Variants in FBXO24 observed in about 807,000 individuals in gnomAD.
The protein encoded by FBXO24 is F-box only protein 24.
Under a neutral mutation model 63.5 loss-of-function variants are expected in FBXO24, and 30 were observed. That is an observed-to-expected ratio of 0.47 (90% confidence interval 0.35 to 0.64). FBXO24 has a LOEUF of 0.64. Ranked by LOEUF, FBXO24 falls within the 30% of genes least tolerant of loss-of-function variation. The probability of loss-of-function intolerance (pLI) is 0.00; values close to 1 mark genes in which losing one functional copy is unlikely to be tolerated. For synonymous variants in FBXO24, 300 were observed against 305.0 expected (o/e 0.98, Z 0.17); for missense variants, 624 against 763.4 (o/e 0.82, Z 2.15).
In FBXO24 at chr7:100,586,478, C is replaced by T; in HGVS notation, c.-148C>T. 1.2e-6 allele frequency: 1 copy of T among 818,416 alleles called. No homozygotes were observed. Among genetic ancestry groups the T allele is most frequent in the East Asian group, 2.7e-5 (1 of 37,682 alleles). The allele number at this position is 818,416 out of a possible 1,614,324, so 50.7% of individuals were successfully genotyped here. Reference sequence around the variant, plus strand: ...ACTAGCAGGAAAACGGGCCGAGGGACCGCAAGCAGGGGGTGCCTAGTCCTC... The same window carrying T: ...ACTAGCAGGAAAACGGGCCGAGGGATCGCAAGCAGGGGGTGCCTAGTCCTC... On this transcript the variant is annotated 5_prime_UTR_variant, in exon 1 of 10. Coordinates refer to ENST00000241071, the MANE Select transcript of FBXO24 (RefSeq NM_033506.3).
Position 100,589,673 on chromosome 7 carries a change from C to G in FBXO24, c.40-304C>G, listed in dbSNP as rs528772672. 1.6e-5 allele frequency: 25 copies of G among 1,517,004 alleles called. No individual in the cohort carries two copies. In the African/African-American group the frequency reaches 2.1e-4, roughly 13 times the overall value. The allele number at this position is 1,517,004 out of a possible 1,614,324, so 94.0% of individuals were successfully genotyped here. A position where few individuals can be genotyped will look rare whatever the true frequency, so the allele number is the denominator to read the frequency against. ...GGGAAAGCCAGCAGGAACGGGGGGG[C>G]CAAGGGCCTAGGAGACAGGAGGGCA... On this transcript the variant is annotated intron_variant, in intron 1 of 9. Coordinates refer to ENST00000241071, the MANE Select transcript of FBXO24 (RefSeq NM_033506.3).
Position 100,600,349 on chromosome 7 carries a change from CGCTCTCT to C in FBXO24, c.1377+152_1377+158del. On this transcript the variant is annotated intron_variant, in intron 9 of 9. Transcript: ENST00000241071. This position sits in a 1 kb window ranked among gnomAD's most constrained non-coding sequence, Gnocchi z 6.3. Reference sequence around the variant, plus strand: ...CACCTCCCTCCTCTGCCGCACACCACGCTCTCTGCTTTCTCCCTTAGCAGACTGTGCT... The same window carrying C: ...CACCTCCCTCCTCTGCCGCACACCACGCTTTCTCCCTTAGCAGACTGTGCT... 1.5e-6 allele frequency: 2 copies of C among 1,368,400 alleles called. No individual in the cohort carries two copies. The highest frequency in any genetic ancestry group is 2.0e-6 in the Non-Finnish European group (2 of 1,019,480). 84.8% of individuals were successfully genotyped at this position (1,368,400 alleles called of 1,614,324 possible). A position where few individuals can be genotyped will look rare whatever the true frequency, so the allele number is the denominator to read the frequency against.
At chr7:100,591,031 ATTTTTTTTT>A (rs930978218) in intron 3 of FBXO24, among the ~76,000 whole-genome samples, 2 of 86,672 alleles carry the variant, frequency 2.3e-5, no homozygotes, top group African/African-American at 4.7e-5. Flanking sequence ...TTTTTCTTTG[ATTTTTTTTT>A]TTTTTTTTTT....
chr7:100,598,687 G>C (rs1303621293), intron 8 of FBXO24, among the ~76,000 whole-genome samples: 2 of 152,162 alleles, frequency 1.3e-5, no homozygotes, highest in African/African-American at 4.8e-5. Flanking sequence ...AGTTGAAAAT[G>C]CTAGGCTAAG....
At chr7:100,591,929 G>T in intron 4 of FBXO24, 27 bp downstream of exon 4, 1 of 1,608,404 alleles carries the variant, frequency 6.2e-7, no homozygotes, top group Non-Finnish European at 8.5e-7. Flanking sequence ...TGGCAGCTGA[G>T]AGCCCACCTG....
intron 3 of FBXO24, among the ~76,000 whole-genome samples, chr7:100,590,626 C>A (rs1801970182): frequency 6.6e-6 from 1 of 152,208 alleles, no homozygotes; most frequent in Non-Finnish European, 1.5e-5. Flanking sequence ...ATCCCTCACT[C>A]CCCAAACCTG....
intron 8 of FBXO24, among the ~76,000 whole-genome samples, chr7:100,598,628 C>CT (rs1311148036): frequency 4.6e-5 from 7 of 151,920 alleles, no homozygotes; most frequent in Admixed American, 6.6e-5. Context: ...CAAGTAGAAG[C>CT]TTTTTTTTCA....
intron 1 of FBXO24, 165 bp downstream of exon 1, chr7:100,586,829 T>G: frequency 2.2e-5 from 11 of 501,674 alleles, no homozygotes; most frequent in East Asian, 2.1e-4. Context: ...GCCAGTGCAC[T>G]GGCGGTTGTC....
At chr7:100,586,686 G>A in intron 1 of FBXO24, 22 bp downstream of exon 1, 1 of 1,614,036 alleles carries the variant, frequency 6.2e-7, no homozygotes, top group Non-Finnish European at 8.5e-7. Context: ...CTTTAAGACT[G>A]AGGTTAAGAA....
intron 4 of FBXO24, among the ~76,000 whole-genome samples, 200 bp from the exon 5 acceptor site, chr7:100,592,583 C>G (rs1039791902): frequency 1.3e-5 from 2 of 152,152 alleles, no homozygotes; most frequent in African/African-American, 4.8e-5. Context: ...ATCACCACCT[C>G]TCTTTTGAGG....
Position 100,594,622 on chromosome 7 carries a change from G to A in FBXO24, c.952+81G>A, listed in dbSNP as rs1584428309. The A allele has an allele frequency of 7.2e-7, 1 of 1,382,014 alleles. No individual in the cohort carries two copies. The highest frequency in any genetic ancestry group is 2.6e-5 in the East Asian group (1 of 37,888). The allele number at this position is 1,382,014 out of a possible 1,614,324, so 85.6% of individuals were successfully genotyped here. The stretch of plus-strand genomic sequence containing the variant: ...ATCAACACCCTTCACCCTTACTCCA[G>A]CTGCATGGTGAACCCCTGAGGGCAT... On this transcript the variant is annotated intron_variant, in intron 6 of 9. Coordinates refer to ENST00000241071, the MANE Select transcript of FBXO24 (RefSeq NM_033506.3). The surrounding 1 kb of genome is among the most constrained non-coding windows in gnomAD (Gnocchi z 4.2).
Position 100,594,531 on chromosome 7 carries a change from C to T in FBXO24, c.942C>T (p.Leu314=), listed in dbSNP as rs151320882. 457 of 1,601,398 alleles carry T rather than the reference C, an allele frequency of 2.9e-4. No homozygotes were observed. The highest frequency in any genetic ancestry group is 3.8e-4 in the Non-Finnish European group (451 of 1,172,706). ...ACMTSNQSST[L]YVTDQGGVYF... ...TGACTTCCAACCAGAGCAGCACCCT[C>T]TACGTCACAGGTATGGACCACCTCC... The change falls in exon 6 of 10, where the codon CTC becomes CTT. Residue 314 remains leucine, a synonymous_variant. Transcript: ENST00000241071. This position sits in a 1 kb window ranked among gnomAD's most constrained non-coding sequence, Gnocchi z 4.2.
rs1296362459 is a variant in FBXO24, at chr7:100,600,067, G to T, written c.1243G>T (p.Gly415Cys). 1 of 1,610,976 alleles carries T rather than the reference G, an allele frequency of 6.2e-7. No homozygotes were observed. Among genetic ancestry groups the T allele is most frequent in the Non-Finnish European group, 8.5e-7 (1 of 1,179,428 alleles). ...YLQRPITLWC[G>C]LNHSLVLSQS... ...GCAGCGGCCCATCACCCTGTGGTGC[G>T]GCCTCAACCACTCCCTGGTGCTGAG... Residue 415 changes from glycine to cysteine, a missense_variant, in exon 9 of 10, where the codon GGC becomes TGC. This residue lies in a region of FBXO24 where 216 missense variants were observed against 245.2 expected (regional missense o/e 0.88). Coordinates refer to ENST00000241071, the MANE Select transcript of FBXO24 (RefSeq NM_033506.3). The surrounding 1 kb of genome is among the most constrained non-coding windows in gnomAD (Gnocchi z 6.3).
chr7:100,586,465 A>T lies in FBXO24; in HGVS notation c.-161A>T. 1 of 739,672 alleles carries T rather than the reference A, an allele frequency of 1.4e-6. No homozygotes were observed. The highest frequency in any genetic ancestry group is 2.3e-6 in the Non-Finnish European group (1 of 432,756). The allele number at this position is 739,672 out of a possible 1,614,324, so 45.8% of individuals were successfully genotyped here. Reference sequence around the variant, plus strand: ...ACACCGGCACTCCACTAGCAGGAAAACGGGCCGAGGGACCGCAAGCAGGGG... The same window carrying T: ...ACACCGGCACTCCACTAGCAGGAAATCGGGCCGAGGGACCGCAAGCAGGGG... On this transcript the variant is annotated 5_prime_UTR_variant, in exon 1 of 10. Transcript: ENST00000241071.
At chr7:100,595,004 G>A in intron 6 of FBXO24, 98 bp from the exon 7 acceptor site, 2 of 1,527,634 alleles carry the variant, frequency 1.3e-6, no homozygotes, top group Non-Finnish European at 1.8e-6. Context: ...TAGTGGGTAT[G>A]AGACTCCTTG....
intron 4 of FBXO24, chr7:100,592,341 G>C: frequency 4.1e-6 from 1 of 245,666 alleles, no homozygotes; most frequent in South Asian, 5.1e-5. Context: ...TGACTGGGGA[G>C]GCCTCAGGAA....
chr7:100,600,956 T>A lies in FBXO24; in HGVS notation c.*57T>A. 1 of 1,563,494 alleles carries A rather than the reference T, an allele frequency of 6.4e-7. No individual in the cohort carries two copies. The highest frequency in any genetic ancestry group is 8.6e-7 in the Non-Finnish European group (1 of 1,159,248). On this transcript the variant is annotated 3_prime_UTR_variant, in exon 10 of 10. Transcript: ENST00000241071. The surrounding 1 kb of genome is among the most constrained non-coding windows in gnomAD (Gnocchi z 6.3). ...GGGAGTCCGGCCCCAGGCCAGGGAC[T>A]AAGGAGCAATGACCATTGTGCACAT...
At chr7:100,599,087 A>C (rs1488883318) in intron 8 of FBXO24, among the ~76,000 whole-genome samples, 1 of 152,032 alleles carries the variant, frequency 6.6e-6, no homozygotes, top group African/African-American at 2.4e-5. Context: ...AAAATTTAAA[A>C]TTTAAAAATT....
chr7:100,587,390 C>T (rs1801809323), intron 1 of FBXO24, among the ~76,000 whole-genome samples: 1 of 150,682 alleles, frequency 6.6e-6, no homozygotes, highest in African/African-American at 2.4e-5. Context: ...GCAACCTCCA[C>T]TGTCCGGGTT....
Sources: gnomAD v4.1 joint callset for allele counts (sites outside exome capture counted in the v4.1 genomes callset) on GRCh38, gnomAD v4.1.1 for gene constraint, gnomAD v4.1.1 regional missense constraint, Gnocchi (gnomAD v3.1) non-coding constraint, MANE v1.5 for transcripts, NCBI Gene and HGNC (gene_info 2026-07-23, HGNC 2026-07-21) for gene names.